NLGN1: variants seen among roughly 807,000 people sequenced by gnomAD.
NLGN1 encodes neuroligin-1.
Under a neutral mutation model 65.5 loss-of-function variants are expected in NLGN1, and 12 were observed. The ratio of observed to expected loss-of-function variants is 0.18; its 90% CI spans 0.12 to 0.30. NLGN1 has a LOEUF of 0.30. Ranked by LOEUF, NLGN1 falls within the 10% of genes least tolerant of loss-of-function variation. The pLI, the probability that NLGN1 is intolerant of heterozygous loss-of-function variation, is 1.00. For missense variants in NLGN1, 750 were observed against 1,007.1 expected, an observed-to-expected ratio of 0.74 and a Z score of 3.46; for synonymous variants, 350 against 359.5, an observed-to-expected ratio of 0.97 and a Z score of 0.30.
In NLGN1 at chr3:173,874,808, A is replaced by G. The variant is rs141622807; in HGVS notation, c.646+66976A>G. Reference sequence around the variant, plus strand: ...TTGGGTGATAAATTTGCACAGATCTATTCTATCTCTTAATCATTTCTCTTT... The same window carrying G: ...TTGGGTGATAAATTTGCACAGATCTGTTCTATCTCTTAATCATTTCTCTTT... On this transcript the variant is annotated intron_variant, in intron 4 of 6. Transcript: ENST00000457714. 4.6e-5 allele frequency among the ~76,000 whole-genome samples: 7 copies of G among 152,292 alleles called. No individual in the cohort carries two copies. The East Asian group carries it at 1.2e-3, about 25-fold the overall frequency.
intron 4 of NLGN1, among the ~76,000 whole-genome samples, chr3:173,913,611 A>G (rs1740104047): frequency 1.3e-5 from 2 of 152,130 alleles, no homozygotes; most frequent in Non-Finnish European, 2.9e-5. Flanking sequence ...TCAACATCCC[A>G]GCTAAACTGG....
At chr3:173,906,637 T>C (rs1012702473) in intron 4 of NLGN1, among the ~76,000 whole-genome samples, 4 of 152,246 alleles carry the variant, frequency 2.6e-5, no homozygotes, top group Admixed American at 2.0e-4. Context: ...ATTTCAAATC[T>C]ACTTTTTCTA....
intron 3 of NLGN1, among the ~76,000 whole-genome samples, chr3:173,619,616 G>A (rs963131299): frequency 7.2e-5 from 11 of 152,200 alleles, no homozygotes; most frequent in Admixed American, 6.5e-4. Context: ...GTTACTATTA[G>A]TATTTCCACT....
intron 3 of NLGN1, among the ~76,000 whole-genome samples, chr3:173,716,542 A>T (rs1277503815): frequency 6.6e-6 from 1 of 152,086 alleles, no homozygotes; most frequent in Non-Finnish European, 1.5e-5. Context: ...TTTGGAGCTC[A>T]TCAGAGCCCA....
chr3:173,938,908 GCTAA>G (rs1480567310), intron 4 of NLGN1, among the ~76,000 whole-genome samples: 1 of 152,116 alleles, frequency 6.6e-6, no homozygotes, highest in African/African-American at 2.4e-5. Context: ...CATTCTACCA[GCTAA>G]CTGAGTCAGA....
chr3:173,833,405 T>A (rs1470435808), intron 4 of NLGN1, among the ~76,000 whole-genome samples: 4 of 152,236 alleles, frequency 2.6e-5, no homozygotes, highest in Non-Finnish European at 5.9e-5. Context: ...TTTTGTTGGT[T>A]TTTAAAATTA....
intron 3 of NLGN1, among the ~76,000 whole-genome samples, chr3:173,635,799 A>G (rs1319847491): frequency 6.6e-6 from 1 of 152,136 alleles, no homozygotes; most frequent in African/African-American, 2.4e-5. Flanking sequence ...AAATATGTCT[A>G]TGGGGACTTA....
intron 4 of NLGN1, among the ~76,000 whole-genome samples, chr3:173,848,944 C>T (rs1410671260): frequency 6.6e-6 from 1 of 152,036 alleles, no homozygotes; most frequent in Non-Finnish European, 1.5e-5. Flanking sequence ...AAGCAATTTT[C>T]TAGACATAAG....
At chr3:173,730,103 A>G (rs533958840) in intron 3 of NLGN1, among the ~76,000 whole-genome samples, 2 of 151,736 alleles carry the variant, frequency 1.3e-5, no homozygotes, top group Non-Finnish European at 2.9e-5. Flanking sequence ...TTGAAAATAT[A>G]ACATTGGAAG....
chr3:173,461,809 C>G, intron 2 of NLGN1, among the ~76,000 whole-genome samples: 1 of 152,118 alleles, frequency 6.6e-6, no homozygotes, highest in East Asian at 1.9e-4. Context: ...TCCTCACCTA[C>G]TTTTTCAAAT....
intron 4 of NLGN1, among the ~76,000 whole-genome samples, chr3:173,839,483 C>A (rs1249906104): frequency 6.6e-6 from 1 of 150,746 alleles, no homozygotes. Flanking sequence ...AGTGCAGTGG[C>A]GTGACCTCAG....
intron 1 of NLGN1, among the ~76,000 whole-genome samples, chr3:173,420,684 C>T (rs767837588): frequency 9.4e-4 from 143 of 152,180 alleles, no homozygotes; most frequent in Non-Finnish European, 1.8e-3. Flanking sequence ...AACTAGTTTA[C>T]AGTCCCACCA....
intron 4 of NLGN1, among the ~76,000 whole-genome samples, chr3:173,814,965 A>C (rs1399133581): frequency 1.3e-5 from 2 of 152,022 alleles, no homozygotes; most frequent in African/African-American, 2.4e-5. Context: ...GTAACATTCA[A>C]GTTTCCATTT....
At chr3:173,731,363 A>AAGAT (rs1772813341) in intron 3 of NLGN1, among the ~76,000 whole-genome samples, 1 of 152,142 alleles carries the variant, frequency 6.6e-6, no homozygotes, top group Non-Finnish European at 1.5e-5. Flanking sequence ...ATTTAAATAT[A>AAGAT]AGATGGACTG....
intron 4 of NLGN1, among the ~76,000 whole-genome samples, chr3:173,885,157 T>C (rs1413248631): frequency 6.6e-6 from 1 of 152,202 alleles, no homozygotes. Context: ...TCCATAGATC[T>C]GAGGGTCTTT....
At chr3:173,709,455 A>G (rs1481336216) in intron 3 of NLGN1, among the ~76,000 whole-genome samples, 1 of 152,182 alleles carries the variant, frequency 6.6e-6, no homozygotes, top group Admixed American at 6.5e-5. Flanking sequence ...GATCAAAACT[A>G]ATGATTAATC....
At chr3:173,997,119 A>AAT (rs1722427063) in intron 4 of NLGN1, among the ~76,000 whole-genome samples, 1 of 152,152 alleles carries the variant, frequency 6.6e-6, no homozygotes, top group African/African-American at 2.4e-5. Flanking sequence ...CATGTTATAC[A>AAT]ATATAGGTCA....
At chr3:173,777,607 T>TTCTGTCTGTCTG (rs149878598) in intron 3 of NLGN1, among the ~76,000 whole-genome samples, 4 of 149,594 alleles carry the variant, frequency 2.7e-5, no homozygotes, top group African/African-American at 9.9e-5. Flanking sequence ...CCAGAATGTA[T>TTCTGTCTGTCTG]TCTGTCTGTC....
At chr3:173,740,927 A>G (rs1268541941) in intron 3 of NLGN1, among the ~76,000 whole-genome samples, 1 of 152,192 alleles carries the variant, frequency 6.6e-6, no homozygotes, top group Non-Finnish European at 1.5e-5. Context: ...GAGTCAGACT[A>G]TCTTCTGTGA....
Sources: allele counts gnomAD v4.1 joint callset (sites outside exome capture counted in the v4.1 genomes callset), GRCh38; gene constraint gnomAD v4.1.1; transcripts MANE v1.5; gene names NCBI Gene and HGNC (gene_info 2026-07-23, HGNC 2026-07-21).